The following IKBKB variants were observed in gnomAD, a reference collection of about 807,000 sequenced individuals.
IKBKB encodes the protein inhibitor of nuclear factor kappa B kinase subunit beta, also known as inhibitor of nuclear factor kappa-B kinase subunit beta.
In IKBKB, 42 loss-of-function variants were observed where a neutral mutation model predicts 113.6. The ratio of observed to expected loss-of-function variants is 0.37; its 90% CI spans 0.29 to 0.48. The LOEUF (loss-of-function observed/expected upper bound fraction) is 0.48. Among genes scored for constraint, IKBKB ranks in the 20% least tolerant of loss-of-function variants. The pLI is 0.99. For synonymous variants in IKBKB, 296 were observed against 361.3 expected (o/e 0.82, Z 2.05); for missense variants, 673 against 939.7 (o/e 0.72, Z 3.71).
At chr8:42,304,700 T>C (rs941268712) in intron 5 of IKBKB, among the ~76,000 whole-genome samples, 1 of 152,220 alleles carries the variant, frequency 6.6e-6, no homozygotes, top group Admixed American at 6.5e-5. Context: ...ACCATAGGAC[T>C]CTGTCCCCAA....
intron 7 of IKBKB, 97 bp downstream of exon 7, chr8:42,306,529 C>G: frequency 1.3e-6 from 1 of 796,164 alleles, no homozygotes. Context: ...CTGAGTCCCA[C>G]CGGCTCTCTG....
At chr8:42,294,467 A>G (rs1813299059) in intron 5 of IKBKB, among the ~76,000 whole-genome samples, 1 of 152,224 alleles carries the variant, frequency 6.6e-6, no homozygotes, top group Non-Finnish European at 1.5e-5. Context: ...TCTCTAAGCC[A>G]GGGCCTGGAA....
chr8:42,275,249 G>A (rs1808841775), intron 2 of IKBKB, among the ~76,000 whole-genome samples: 1 of 151,666 alleles, frequency 6.6e-6, no homozygotes, highest in Non-Finnish European at 1.5e-5. Context: ...GTGCAGTGGT[G>A]CCATCATGGC....
At chr8:42,299,370 A>G (rs902540857) in intron 5 of IKBKB, among the ~76,000 whole-genome samples, 12 of 152,116 alleles carry the variant, frequency 7.9e-5, no homozygotes, top group Non-Finnish European at 1.6e-4. Flanking sequence ...CTGTCTTGGA[A>G]GGGCACTTCC....
intron 8 of IKBKB, among the ~76,000 whole-genome samples, chr8:42,312,519 A>G (rs1817907412): frequency 6.6e-6 from 1 of 152,216 alleles, no homozygotes; most frequent in Non-Finnish European, 1.5e-5. Flanking sequence ...ATGGCAGGTA[A>G]ATAGTAATTT....
At chr8:42,282,412 G>GC (rs1347250483) in intron 2 of IKBKB, among the ~76,000 whole-genome samples, 1 of 152,120 alleles carries the variant, frequency 6.6e-6, no homozygotes, top group Non-Finnish European at 1.5e-5. Flanking sequence ...TTGCCATATT[G>GC]CCCAGGCTGG....
intron 9 of IKBKB, 21 bp downstream of exon 9, chr8:42,314,450 A>G: frequency 7.2e-7 from 1 of 1,387,060 alleles, no homozygotes; most frequent in South Asian, 1.2e-5. Flanking sequence ...GCGGCATTAC[A>G]CGAATACATA....
At chr8:42,272,939 CAAAAAAAAAAA>C (rs71221204) in intron 2 of IKBKB, among the ~76,000 whole-genome samples, 1 of 51,580 alleles carries the variant, frequency 1.9e-5, no homozygotes, top group African/African-American at 6.7e-5. Flanking sequence ...GACTCCGTCT[CAAAAAAAAAAA>C]AAAAAAAAAA....
chr8:42,331,125 C>T lies in IKBKB; in HGVS notation c.*146C>T, dbSNP rs1316186026. On this transcript the variant is annotated 3_prime_UTR_variant, in exon 22 of 22. Transcript: ENST00000520810. ...CGCGGCTCTCACATGGTGGTTCCTG[C>T]TGCACTGATGGCCCAGGGGTCTCTG... The T allele has an allele frequency of 5.8e-6, 7 of 1,213,706 alleles. No homozygotes were observed. In the East Asian group the frequency reaches 1.5e-4, roughly 26 times the overall value. 75.2% of individuals were successfully genotyped at this position (1,213,706 alleles called of 1,614,324 possible).
intron 5 of IKBKB, chr8:42,298,415 G>A (rs913778870): frequency 2.0e-6 from 2 of 985,312 alleles, no homozygotes; most frequent in Non-Finnish European, 2.4e-6. Context: ...GGACTTCAGC[G>A]TTAAAGAACA....
Position 42,326,078 on chromosome 8 carries a change from C to G in IKBKB, c.2095C>G (p.Pro699Ala). 6.2e-7 allele frequency: 1 copy of G among 1,614,234 alleles called. No individual in the cohort carries two copies. Among genetic ancestry groups the G allele is most frequent in the Non-Finnish European group, 8.5e-7 (1 of 1,180,040 alleles). Residue 699 changes from proline to alanine, a missense_variant, in exon 20 of 22, where the codon CCT becomes GCT. By Grantham distance (27) the Pro-to-Ala change is conservative. This residue lies in a region of IKBKB where 506 missense variants were observed against 638.7 expected (regional missense o/e 0.79). Transcript: ENST00000520810. Reference protein sequence around the residue: ...SQPSTASNSLPEPAKKSEELV... With the variant: ...SQPSTASNSLAEPAKKSEELV... Reference sequence around the variant, plus strand: ...GCCCTCCACGGCCTCCAACAGCTTACCTGAGCCAGCCAAGAAGAGGTAGGT... The same window carrying G: ...GCCCTCCACGGCCTCCAACAGCTTAGCTGAGCCAGCCAAGAAGAGGTAGGT...
rs1821660127 is a variant in IKBKB at position 42,331,288 on chromosome 8, G to A, written c.*309G>A. ...TTACAGAGGCCCAGCGCACATCGCT[G>A]GCCCCACAAACGTTCAGGGGTACAG... On this transcript the variant is annotated 3_prime_UTR_variant, in exon 22 of 22. Coordinates refer to ENST00000520810, the MANE Select transcript of IKBKB (RefSeq NM_001556.3). 1 of 702,328 alleles carries A rather than the reference G, an allele frequency of 1.4e-6. No individual in the cohort carries two copies. Among genetic ancestry groups the A allele is most frequent in the Non-Finnish European group, 2.6e-6 (1 of 385,238 alleles). 43.5% of individuals were successfully genotyped at this position (702,328 alleles called of 1,614,324 possible).
At chr8:42,329,531 T>C (rs1821416525) in intron 21 of IKBKB, 1 of 891,752 alleles carries the variant, frequency 1.1e-6, no homozygotes, top group African/African-American at 1.8e-5. Flanking sequence ...ACACATTTTT[T>C]ATTATTCATA....
rs1819138306 is a variant in IKBKB, at chr8:42,318,546, C to T, written c.1241-6C>T. 1 of 1,612,614 alleles carries T rather than the reference C, an allele frequency of 6.2e-7. No homozygotes were observed. The highest frequency in any genetic ancestry group is 1.1e-5 in the South Asian group (1 of 91,004). ...CTTTGACAATTGCTTGTGTCTCTGT[C>T]TCCAGTTCAAGAGCCCAAGAGGAAT... On this transcript the variant is annotated splice_polypyrimidine_tract_variant and splice_region_variant and intron_variant, in intron 12 of 21. Coordinates refer to ENST00000520810, the MANE Select transcript of IKBKB (RefSeq NM_001556.3).
At chr8:42,330,851 A>C (rs1563379290) in intron 21 of IKBKB, 63 bp from the exon 22 acceptor site, 2 of 1,613,056 alleles carry the variant, frequency 1.2e-6, no homozygotes, top group Non-Finnish European at 1.7e-6. Flanking sequence ...CCTCCTGAAG[A>C]GGAAAAATAA....
intron 2 of IKBKB, among the ~76,000 whole-genome samples, chr8:42,281,880 C>T (rs1306466225): frequency 6.6e-6 from 1 of 152,160 alleles, no homozygotes; most frequent in Non-Finnish European, 1.5e-5. Context: ...GGCTCTTGGC[C>T]TCTGTGAGTT....
chr8:42,280,226 G>A (rs1324995465), intron 2 of IKBKB, among the ~76,000 whole-genome samples: 3 of 152,162 alleles, frequency 2.0e-5, no homozygotes, highest in Non-Finnish European at 2.9e-5. Flanking sequence ...GTGTTTCCCA[G>A]GGAGGGAGGG....
chr8:42,315,076 T>A (rs1818419672), intron 9 of IKBKB, among the ~76,000 whole-genome samples: 1 of 152,230 alleles, frequency 6.6e-6, no homozygotes, highest in Non-Finnish European at 1.5e-5. Context: ...TATACCTTAT[T>A]TCTCTTTCCA....
chr8:42,306,500 C>A, intron 7 of IKBKB, 68 bp downstream of exon 7: 1 of 1,046,422 alleles, frequency 9.6e-7, no homozygotes, highest in Non-Finnish European at 1.5e-6. Flanking sequence ...GGGCTCCTGT[C>A]CTGCCTTGCT....
Sources: gnomAD v4.1 joint callset for allele counts (sites outside exome capture counted in the v4.1 genomes callset) on GRCh38, gnomAD v4.1.1 for gene constraint, gnomAD v4.1.1 regional missense constraint, MANE v1.5 for transcripts, NCBI Gene and HGNC (gene_info 2026-07-23, HGNC 2026-07-21) for gene names.